Variants in KCND3 observed in about 807,000 individuals in gnomAD.
The protein encoded by KCND3 is potassium voltage-gated channel subfamily D member 3.
KCND3 carries 9 observed loss-of-function variants against 51.1 expected under a neutral mutation model. That is an observed-to-expected ratio of 0.18 (90% CI 0.11 to 0.31). KCND3 has a LOEUF of 0.31. KCND3 is among the 10% of genes least tolerant of loss of function. KCND3 has a pLI of 1.00. For missense variants in KCND3, 526 were observed against 903.8 expected, an observed-to-expected ratio of 0.58 and a Z score of 5.36; for synonymous variants, 349 against 368.0, an observed-to-expected ratio of 0.95 and a Z score of 0.59.
intron 2 of KCND3, among the ~76,000 whole-genome samples, chr1:111,824,119 C>CAA (rs34971055): frequency 7.6e-5 from 9 of 118,916 alleles, no homozygotes; most frequent in East Asian, 5.1e-4. Flanking sequence ...TCTCCAACTC[C>CAA]AAAAAAAAAA....
At chr1:111,977,975 A>C (rs563650310) in intron 2 of KCND3, among the ~76,000 whole-genome samples, 38 of 152,292 alleles carry the variant, frequency 2.5e-4, no homozygotes, top group Admixed American at 2.2e-3. Flanking sequence ...GCATTTGGGA[A>C]CTCAGCTGTC....
intron 2 of KCND3, among the ~76,000 whole-genome samples, chr1:111,871,502 A>C (rs1668826141): frequency 6.6e-6 from 1 of 152,222 alleles, no homozygotes; most frequent in African/African-American, 2.4e-5. Flanking sequence ...AATAGGGAGC[A>C]TGAAAGGAAG....
chr1:111,960,431 G>A (rs1202000746), intron 2 of KCND3, among the ~76,000 whole-genome samples: 4 of 152,192 alleles, frequency 2.6e-5, no homozygotes, highest in Non-Finnish European at 5.9e-5. Flanking sequence ...GAGAAACAGG[G>A]TACACCAAGG....
chr1:111,838,851 T>A (rs1005248449), intron 2 of KCND3, among the ~76,000 whole-genome samples: 4 of 152,084 alleles, frequency 2.6e-5, no homozygotes, highest in Non-Finnish European at 5.9e-5. Flanking sequence ...ATTGTCCAGA[T>A]CACATCTCTG....
chr1:111,927,415 G>A (rs1051334576), intron 2 of KCND3, among the ~76,000 whole-genome samples: 10 of 152,210 alleles, frequency 6.6e-5, no homozygotes, highest in African/African-American at 2.4e-4. Context: ...GAATGGGCAT[G>A]CCTCCCTCTT....
intron 1 of KCND3, among the ~76,000 whole-genome samples, chr1:111,983,365 C>T (rs895230753): frequency 1.3e-5 from 2 of 152,090 alleles, no homozygotes; most frequent in African/African-American, 4.8e-5. Flanking sequence ...TGGCAGGTGA[C>T]CACCAGGATT....
chr1:111,804,555 C>CT (rs1465770426), intron 2 of KCND3, among the ~76,000 whole-genome samples: 1 of 152,214 alleles, frequency 6.6e-6, no homozygotes, highest in Non-Finnish European at 1.5e-5. Flanking sequence ...GCAGCCCTGC[C>CT]TGTAGCCTCT....
intron 2 of KCND3, among the ~76,000 whole-genome samples, chr1:111,955,276 T>C (rs555684269): frequency 1.3e-5 from 2 of 152,024 alleles, no homozygotes; most frequent in East Asian, 1.9e-4. Flanking sequence ...TAGCCAGGTG[T>C]GGTGGCACAT....
intron 2 of KCND3, among the ~76,000 whole-genome samples, chr1:111,931,898 C>T (rs1462384049): frequency 6.6e-6 from 1 of 152,178 alleles, no homozygotes; most frequent in African/African-American, 2.4e-5. Context: ...TGGCAAATGC[C>T]CCTGCTCCGA....
Position 111,770,997 on chromosome 1 carries a change from C to T in KCND3, c.*5080G>A, listed in dbSNP as rs1663892614. The T allele has an allele frequency of 6.6e-6, 1 of 152,142 alleles. No homozygotes were observed. 9.4% of individuals were successfully genotyped at this position (152,142 alleles called of 1,614,324 possible). A position where few individuals can be genotyped will look rare whatever the true frequency, so the allele number is the denominator to read the frequency against. On this transcript the variant is annotated 3_prime_UTR_variant, in exon 8 of 8. Coordinates refer to ENST00000302127, the MANE Select transcript of KCND3 (RefSeq NM_001378969.1). The stretch of plus-strand genomic sequence containing the variant: ...GGTGTGACCTCTAAGGAAAACATTA[C>T]ATTGGAATGTCTGATTATCAAAAAT...
chr1:111,901,753 C>T (rs1670394130), intron 2 of KCND3, among the ~76,000 whole-genome samples: 1 of 152,260 alleles, frequency 6.6e-6, no homozygotes, highest in African/African-American at 2.4e-5. Flanking sequence ...AGCCTGACCT[C>T]TCCTGCCTGG....
intron 2 of KCND3, among the ~76,000 whole-genome samples, chr1:111,801,966 C>A (rs1380552730): frequency 1.3e-5 from 2 of 152,242 alleles, no homozygotes; most frequent in African/African-American, 4.8e-5. Context: ...GGCTTTGGAG[C>A]CAGACAGACC....
chr1:111,940,073 GTTTTTTTT>G lies in KCND3; in HGVS notation c.1106+41540_1106+41547del, dbSNP rs61088602. On this transcript the variant is annotated intron_variant, in intron 2 of 7. Coordinates refer to ENST00000302127, the MANE Select transcript of KCND3 (RefSeq NM_001378969.1). ...TATATCCTTCGCCTACTTTTTGATG[GTTTTTTTT>G]TTTTTTTTTTTTTTTGTAAGTTCCT... Among the ~76,000 whole-genome samples the G allele has an allele frequency of 2.2e-3, 192 of 85,472 alleles. 3 individuals are homozygous for G. The highest frequency in any genetic ancestry group is 0.012 in the East Asian group (43 of 3,620). The allele number at this position is 85,472 out of a possible 152,430, so 56.1% of individuals were successfully genotyped here. A position where few individuals can be genotyped will look rare whatever the true frequency, so the allele number is the denominator to read the frequency against.
intron 7 of KCND3, 69 bp downstream of exon 7, chr1:111,776,957 C>T (rs1664142162): frequency 6.2e-7 from 1 of 1,607,786 alleles, no homozygotes; most frequent in Non-Finnish European, 8.5e-7. Flanking sequence ...TCTCCTAATG[C>T]TGCAATTGTC....
chr1:111,830,798 T>C (rs1259939251), intron 2 of KCND3, among the ~76,000 whole-genome samples: 9 of 152,248 alleles, frequency 5.9e-5, no homozygotes, highest in African/African-American at 2.2e-4. Context: ...TAATGTGTAA[T>C]GGGATATGTT....
At chr1:111,837,873 G>A (rs1667135622) in intron 2 of KCND3, among the ~76,000 whole-genome samples, 1 of 152,130 alleles carries the variant, frequency 6.6e-6, no homozygotes, top group South Asian at 2.1e-4. Flanking sequence ...AAGAGTACTG[G>A]TCAGATATTT....
At chr1:111,783,092 T>G (rs922853815) in intron 3 of KCND3, among the ~76,000 whole-genome samples, 2 of 150,894 alleles carry the variant, frequency 1.3e-5, no homozygotes, top group Admixed American at 6.6e-5. Context: ...GCCACTGTAA[T>G]GGGCTCAATC....
chr1:111,929,740 T>C (rs1292478244), intron 2 of KCND3, among the ~76,000 whole-genome samples: 1 of 152,208 alleles, frequency 6.6e-6, no homozygotes, highest in Non-Finnish European at 1.5e-5. Flanking sequence ...GCTGCAGAGC[T>C]GAGTGGACAG....
chr1:111,989,000 A>C (rs1675470529), intron 1 of KCND3: 1 of 151,980 alleles, frequency 6.6e-6, no homozygotes, highest in African/African-American at 2.4e-5. Flanking sequence ...TCACGTAGAG[A>C]CCTTTCCCAG....
Sources: gnomAD v4.1 joint callset for allele counts (sites outside exome capture counted in the v4.1 genomes callset) on GRCh38, gnomAD v4.1.1 for gene constraint, MANE v1.5 for transcripts, NCBI Gene and HGNC (gene_info 2026-07-23, HGNC 2026-07-21) for gene names.